KCNU1: variants seen among roughly 807,000 people sequenced by gnomAD.
KCNU1 encodes the protein potassium calcium-activated channel subfamily U member 1.
In KCNU1, 93 loss-of-function variants were observed where a neutral mutation model predicts 126.8. That is an observed-to-expected ratio of 0.73 (90% CI 0.62 to 0.87). The LOEUF (loss-of-function observed/expected upper bound fraction) is 0.87. Among genes scored for constraint, KCNU1 ranks in the 40% least tolerant of loss-of-function variants. KCNU1 has a pLI of 0.00. For missense variants in KCNU1, 1,330 were observed against 1,367.1 expected (o/e 0.97, Z 0.43); for synonymous variants, 523 against 494.2 (o/e 1.06, Z -0.77).
intron 19 of KCNU1, among the ~76,000 whole-genome samples, chr8:36,873,666 G>A (rs1806182855): frequency 6.6e-6 from 1 of 152,126 alleles, no homozygotes; most frequent in African/African-American, 2.4e-5. Flanking sequence ...GCTGAGGACT[G>A]CAAGCACAAG....
intron 7 of KCNU1, among the ~76,000 whole-genome samples, chr8:36,813,070 G>C (rs1010401872): frequency 6.6e-6 from 1 of 152,146 alleles, no homozygotes; most frequent in Non-Finnish European, 1.5e-5. Flanking sequence ...TTCTTGTAAT[G>C]TATGTCTTGG....
intron 18 of KCNU1, among the ~76,000 whole-genome samples, chr8:36,847,875 A>ATCCAGTTTTTAGTTTTT (rs1426846769): frequency 6.6e-6 from 1 of 152,166 alleles, no homozygotes; most frequent in Non-Finnish European, 1.5e-5. Context: ...TAGTTTTTTG[A>ATCCAGTTTTTAGTTTTT]TGAATTCCCA....
chr8:36,836,707 T>A, intron 13 of KCNU1, 86 bp from the exon 14 acceptor site: 2 of 1,180,658 alleles, frequency 1.7e-6, no homozygotes, highest in Non-Finnish European at 2.4e-6. Flanking sequence ...TCAAGTAAAT[T>A]TAAAAAAAGA....
intron 10 of KCNU1, among the ~76,000 whole-genome samples, chr8:36,828,237 C>T (rs1804397515): frequency 6.6e-6 from 1 of 152,050 alleles, no homozygotes; most frequent in Admixed American, 6.6e-5. Context: ...TTAGTCATAA[C>T]ATTCATAATT....
intron 2 of KCNU1, among the ~76,000 whole-genome samples, chr8:36,792,063 GT>G (rs1220419939): frequency 2.6e-5 from 4 of 152,086 alleles, no homozygotes; most frequent in Non-Finnish European, 4.4e-5. Context: ...CCTTGTTTAT[GT>G]TTTTTTCTAC....
rs1207952411 is a variant in KCNU1 at position 36,840,475 on chromosome 8, C to T, written c.1531C>T (p.Gln511Ter). The T allele has an allele frequency of 6.3e-7, 1 of 1,583,524 alleles. No homozygotes were observed. Among genetic ancestry groups the T allele is most frequent in the South Asian group, 1.1e-5 (1 of 89,720 alleles). ...TTATGTATTCCAGGTTATGCCTAAA[C>T]AGACCTGGAAGAAACACTTCTTGAA... ...VEQNKKVMPK[Q>*]TWKKHFLNSM... The change falls in exon 15 of 27, where the codon CAG (glutamine) becomes TAG (stop). Residue 511 changes from glutamine (Q) to a stop codon, truncating the protein, a stop_gained. Coordinates refer to ENST00000399881, the MANE Select transcript of KCNU1 (RefSeq NM_001031836.3). LOFTEE classifies it high-confidence loss of function.
At chr8:36,907,872 T>C (rs1311052521) in intron 20 of KCNU1, among the ~76,000 whole-genome samples, 1 of 152,224 alleles carries the variant, frequency 6.6e-6, no homozygotes, top group African/African-American at 2.4e-5. Flanking sequence ...TTTGAAAATA[T>C]AGAAATTCAA....
At chr8:36,843,780 C>T (rs539715223) in intron 16 of KCNU1, among the ~76,000 whole-genome samples, 1 of 152,292 alleles carries the variant, frequency 6.6e-6, no homozygotes, top group South Asian at 2.1e-4. Context: ...GATCCTACGA[C>T]TTGCAAAATG....
At chr8:36,904,173 T>C (rs1327457234) in intron 19 of KCNU1, among the ~76,000 whole-genome samples, 1 of 152,186 alleles carries the variant, frequency 6.6e-6, no homozygotes, top group Non-Finnish European at 1.5e-5. Context: ...GATGGACTTA[T>C]GCCCTGGTAA....
intron 24 of KCNU1, among the ~76,000 whole-genome samples, chr8:36,925,408 C>A (rs1397461621): frequency 6.6e-6 from 1 of 152,214 alleles, no homozygotes; most frequent in African/African-American, 2.4e-5. Context: ...CTCTACCTAG[C>A]AGTTTTCTGC....
At chr8:36,815,128 C>T (rs1280805477) in intron 8 of KCNU1, among the ~76,000 whole-genome samples, 1 of 151,978 alleles carries the variant, frequency 6.6e-6, no homozygotes, top group African/African-American at 2.4e-5. Context: ...GTCAGGAGTT[C>T]GAGACCAGCC....
At chr8:36,928,383 A>T (rs538799477) in intron 24 of KCNU1, among the ~76,000 whole-genome samples, 2 of 152,126 alleles carry the variant, frequency 1.3e-5, no homozygotes, top group South Asian at 2.1e-4. Flanking sequence ...TCTTAAACAG[A>T]TTGTGGTTCA....
intron 2 of KCNU1, among the ~76,000 whole-genome samples, chr8:36,796,212 G>C (rs1803092940): frequency 6.6e-6 from 1 of 152,174 alleles, no homozygotes; most frequent in South Asian, 2.1e-4. Flanking sequence ...ATTGGGGATA[G>C]AGTGGCTATC....
rs182798044 is a variant in KCNU1, at chr8:36,805,703, T to C, written c.468+418T>C. 6.4e-4 allele frequency among the ~76,000 whole-genome samples: 97 copies of C among 152,334 alleles called. 1 individual carries two copies. The highest frequency in any genetic ancestry group is 6.3e-3 in the Admixed American group (96 of 15,296). ...CATTTTGTTACACTCATTTGTTAAA[T>C]ATTTCTCTCACTTTAGAGGTATTTA... On this transcript the variant is annotated intron_variant, in intron 4 of 26. Transcript: ENST00000399881.
At chr8:36,820,993 A>G (rs1026495703) in intron 10 of KCNU1, among the ~76,000 whole-genome samples, 2 of 152,198 alleles carry the variant, frequency 1.3e-5, no homozygotes, top group Non-Finnish European at 2.9e-5. Flanking sequence ...AATTAGGTTT[A>G]TAGAAAATAC....
chr8:36,894,280 T>C (rs1807093876), intron 19 of KCNU1, among the ~76,000 whole-genome samples: 1 of 152,148 alleles, frequency 6.6e-6, no homozygotes, highest in Non-Finnish European at 1.5e-5. Context: ...ATATTCTCAA[T>C]TCATGGTAAA....
At chr8:36,891,889 C>G (rs1806977447) in intron 19 of KCNU1, among the ~76,000 whole-genome samples, 1 of 152,006 alleles carries the variant, frequency 6.6e-6, no homozygotes, top group South Asian at 2.1e-4. Flanking sequence ...TTCAAGATTC[C>G]TCTTTGCCCT....
At chr8:36,919,683 C>T (rs1254262226) in intron 23 of KCNU1, among the ~76,000 whole-genome samples, 1 of 152,182 alleles carries the variant, frequency 6.6e-6, no homozygotes, top group African/African-American at 2.4e-5. Context: ...GAGAACGGTG[C>T]CACTAGCGCA....
At chr8:36,911,578 G>C (rs1807878602) in intron 22 of KCNU1, among the ~76,000 whole-genome samples, 1 of 152,054 alleles carries the variant, frequency 6.6e-6, no homozygotes, top group African/African-American at 2.4e-5. Context: ...TTTACTTTTT[G>C]AGATGATTTC....
Sources: allele counts gnomAD v4.1 joint callset (sites outside exome capture counted in the v4.1 genomes callset), GRCh38; gene constraint gnomAD v4.1.1; transcripts MANE v1.5; gene names NCBI Gene and HGNC (gene_info 2026-07-23, HGNC 2026-07-21).